Variants in MARCHF1 observed in about 807,000 individuals in gnomAD.
MARCHF1 encodes the protein E3 ubiquitin-protein ligase MARCHF1.
Under a neutral mutation model 54.2 loss-of-function variants are expected in MARCHF1, and 40 were observed. The ratio of observed to expected loss-of-function variants is 0.74; its 90% CI spans 0.57 to 0.96. MARCHF1 has a LOEUF of 0.96. Ranked by LOEUF, MARCHF1 falls within the 40% of genes least tolerant of loss-of-function variation. The pLI is 0.00. For missense variants in MARCHF1, 586 were observed against 656.5 expected (o/e 0.89, Z 1.17); for synonymous variants, 236 against 236.3 (o/e 1.00, Z 0.01).
At chr4:163,567,806 T>C (rs901294781) in intron 8 of MARCHF1, among the ~76,000 whole-genome samples, 1 of 152,172 alleles carries the variant, frequency 6.6e-6, no homozygotes, top group Non-Finnish European at 1.5e-5. Flanking sequence ...AACAGACTAA[T>C]ACACAAGACT....
At chr4:164,116,541 T>A (rs1755942980) in intron 1 of MARCHF1, among the ~76,000 whole-genome samples, 1 of 151,156 alleles carries the variant, frequency 6.6e-6, no homozygotes. Context: ...CTCTAGTTTC[T>A]GTTCCAAGAG....
rs75986135 is a variant in MARCHF1 at position 164,002,397 on chromosome 4, C to A, written c.-247-13688G>T. On this transcript the variant is annotated intron_variant, in intron 2 of 9. Transcript: ENST00000514618. The stretch of plus-strand genomic sequence containing the variant: ...AATATAAAAAAAGAACAACATGGAA[C>A]TTTTGATATTAAAAATACCATATTT... Among the ~76,000 whole-genome samples, 618 of 151,604 alleles carry A rather than the reference C, an allele frequency of 4.1e-3. 4 individuals carry two copies. The highest frequency in any genetic ancestry group is 0.011 in the Admixed American group (166 of 15,190).
intron 1 of MARCHF1, among the ~76,000 whole-genome samples, chr4:164,227,910 T>C (rs977785889): frequency 2.6e-5 from 4 of 152,150 alleles, no homozygotes; most frequent in Admixed American, 1.3e-4. Flanking sequence ...ATTAATAACA[T>C]AGAAAATTCT....
rs533813141 is a variant in MARCHF1, at chr4:163,538,483, A to T, written c.1339+7113T>A. Among the ~76,000 whole-genome samples, 6 of 152,162 alleles carry T rather than the reference A, an allele frequency of 3.9e-5. No homozygotes were observed. The East Asian group carries it at 1.2e-3, about 29-fold the overall frequency. ...GAATTAAGCATTAGTTATAAACAGGACCTCTGCAACGGACTGAATTTTTCA... is the reference window on the plus strand; with the variant it reads ...GAATTAAGCATTAGTTATAAACAGGTCCTCTGCAACGGACTGAATTTTTCA... On this transcript the variant is annotated intron_variant, in intron 9 of 9. Coordinates refer to ENST00000514618, the MANE Select transcript of MARCHF1 (RefSeq NM_001394959.1).
intron 1 of MARCHF1, among the ~76,000 whole-genome samples, chr4:164,126,312 TGA>T (rs929038462): frequency 2.6e-5 from 4 of 152,094 alleles, no homozygotes; most frequent in African/African-American, 4.8e-5. Flanking sequence ...CAGGACACCG[TGA>T]GAGAGAGACA....
intron 1 of MARCHF1, among the ~76,000 whole-genome samples, chr4:164,270,551 T>G (rs1733721635): frequency 6.6e-6 from 1 of 152,222 alleles, no homozygotes. Flanking sequence ...GAATATTTGT[T>G]GAATAAATAT....
chr4:163,860,579 T>C (rs1440132204), intron 3 of MARCHF1, among the ~76,000 whole-genome samples: 3 of 152,178 alleles, frequency 2.0e-5, no homozygotes, highest in Non-Finnish European at 2.9e-5. Context: ...GAAAAACTTG[T>C]GAAGGCCACA....
chr4:164,020,641 T>C (rs903097299), intron 2 of MARCHF1, among the ~76,000 whole-genome samples: 1 of 152,152 alleles, frequency 6.6e-6, no homozygotes, highest in Admixed American at 6.5e-5. Context: ...CAACATATGA[T>C]CCAGGTAGGG....
chr4:164,120,382 T>C (rs1038700409), intron 1 of MARCHF1, among the ~76,000 whole-genome samples: 1 of 152,126 alleles, frequency 6.6e-6, no homozygotes, highest in African/African-American at 2.4e-5. Flanking sequence ...AATACATTAA[T>C]AGCTGGCAAC....
At chr4:163,566,027 A>T (rs1560945762) in intron 8 of MARCHF1, among the ~76,000 whole-genome samples, 1 of 152,180 alleles carries the variant, frequency 6.6e-6, no homozygotes, top group Non-Finnish European at 1.5e-5. Flanking sequence ...ATTATTGAAC[A>T]TGCTTGTTTC....
At chr4:163,913,720 C>CA (rs1751245916) in intron 3 of MARCHF1, among the ~76,000 whole-genome samples, 1 of 152,144 alleles carries the variant, frequency 6.6e-6, no homozygotes, top group Non-Finnish European at 1.5e-5. Flanking sequence ...ATGAAGCTGG[C>CA]AAAACCCCAA....
At chr4:163,714,197 G>GA (rs1306403387) in intron 4 of MARCHF1, among the ~76,000 whole-genome samples, 10 of 152,150 alleles carry the variant, frequency 6.6e-5, no homozygotes, top group Admixed American at 1.3e-4. Context: ...GGATTGGCTT[G>GA]AAAATGGAAT....
chr4:164,366,517 G>T (rs1730884846), intron 1 of MARCHF1, among the ~76,000 whole-genome samples: 1 of 151,856 alleles, frequency 6.6e-6, no homozygotes, highest in East Asian at 1.9e-4. Context: ...ATACTGACAG[G>T]TTAAGGACCT....
chr4:163,891,241 C>A (rs959099595), intron 3 of MARCHF1, among the ~76,000 whole-genome samples: 10 of 152,022 alleles, frequency 6.6e-5, no homozygotes, highest in Admixed American at 5.2e-4. Context: ...GAGTAATTAT[C>A]TTCCTGATTT....
intron 1 of MARCHF1, chr4:164,383,619 CG>C (rs1731441733): frequency 6.6e-6 from 1 of 152,158 alleles, no homozygotes; most frequent in East Asian, 2.0e-4. Context: ...GGGCTGGAGC[CG>C]CCTCCTCTCA....
chr4:164,171,079 C>A (rs1216834680), intron 1 of MARCHF1, among the ~76,000 whole-genome samples: 1 of 152,092 alleles, frequency 6.6e-6, no homozygotes, highest in East Asian at 1.9e-4. Context: ...TTTAAATATT[C>A]ATTTTTTATC....
At chr4:163,881,642 C>G (rs920776858) in intron 3 of MARCHF1, among the ~76,000 whole-genome samples, 1 of 148,970 alleles carries the variant, frequency 6.7e-6, no homozygotes, top group Non-Finnish European at 1.5e-5. Flanking sequence ...GAGGTATAAA[C>G]TAACTAGAGC....
chr4:164,140,636 G>A lies in MARCHF1; in HGVS notation c.-322-28974C>T, dbSNP rs560329360. On this transcript the variant is annotated intron_variant, in intron 1 of 9. Transcript: ENST00000514618. Reference sequence around the variant, plus strand: ...TTTCAGACTGATCTGCCAGCTCCTCGGCTACAGCACCCAACTAAAGTCTTC... The same window carrying A: ...TTTCAGACTGATCTGCCAGCTCCTCAGCTACAGCACCCAACTAAAGTCTTC... Among the ~76,000 whole-genome samples, 16 of 152,068 alleles carry A rather than the reference G, an allele frequency of 1.1e-4. 1 individual carries two copies. In the South Asian group the frequency reaches 1.9e-3, roughly 18 times the overall value.
chr4:163,984,540 A>G (rs1391273886), intron 3 of MARCHF1, among the ~76,000 whole-genome samples: 6 of 152,178 alleles, frequency 3.9e-5, no homozygotes, highest in African/African-American at 1.4e-4. Context: ...GTATCTCTAC[A>G]CTTACCACTC....
Sources: allele counts gnomAD v4.1 joint callset (sites outside exome capture counted in the v4.1 genomes callset), GRCh38; gene constraint gnomAD v4.1.1; transcripts MANE v1.5; gene names NCBI Gene and HGNC (gene_info 2026-07-23, HGNC 2026-07-21).